ADTRP: variants seen among roughly 807,000 people sequenced by gnomAD.
ADTRP encodes the protein androgen-dependent TFPI-regulating protein.
A neutral mutation model predicts 27.0 loss-of-function variants in ADTRP; 20 were observed. That is an observed-to-expected ratio of 0.74 (90% CI 0.52 to 1.08). The LOEUF (loss-of-function observed/expected upper bound fraction) is 1.08. Among genes scored for constraint, ADTRP ranks in the 50% least tolerant of loss-of-function variants. The pLI is 0.00. For missense variants in ADTRP, 251 were observed against 275.0 expected, an observed-to-expected ratio of 0.91 and a Z score of 0.62; for synonymous variants, 101 against 105.2, an observed-to-expected ratio of 0.96 and a Z score of 0.25.
At chr6:11,752,986 G>T (rs1032704863) in intron 3 of ADTRP, among the ~76,000 whole-genome samples, 4 of 152,200 alleles carry the variant, frequency 2.6e-5, no homozygotes, top group Non-Finnish European at 5.9e-5. Flanking sequence ...ACAATGCGGA[G>T]AATTAAGGAT....
chr6:11,760,893 T>G (rs1022836017), intron 3 of ADTRP, among the ~76,000 whole-genome samples: 11 of 152,226 alleles, frequency 7.2e-5, no homozygotes, highest in Non-Finnish European at 1.3e-4. Flanking sequence ...TATACATGTA[T>G]GGTAGGGAGG....
At chr6:11,751,246 A>G (rs1763038127) in intron 3 of ADTRP, among the ~76,000 whole-genome samples, 1 of 152,230 alleles carries the variant, frequency 6.6e-6, no homozygotes, top group Non-Finnish European at 1.5e-5. Context: ...GAAGGAACAT[A>G]AGCTTGCACA....
intron 4 of ADTRP, among the ~76,000 whole-genome samples, chr6:11,729,587 A>T (rs950398876): frequency 3.3e-5 from 5 of 151,990 alleles, no homozygotes; most frequent in Non-Finnish European, 5.9e-5. Flanking sequence ...TCACTCCACG[A>T]GGGTTCAACT....
At chr6:11,765,319 G>GTTTTTTTTTTTTTTTTTTTTTTTTT (rs770169717) in intron 3 of ADTRP, among the ~76,000 whole-genome samples, 2 of 112,526 alleles carry the variant, frequency 1.8e-5, no homozygotes, top group Non-Finnish European at 1.8e-5. Flanking sequence ...CTTTCCCCTG[G>GTTTTTTTTTTTTTTTTTTTTTTTTT]TTTGTTTTTT....
At chr6:11,763,066 T>C (rs1243847364) in intron 3 of ADTRP, among the ~76,000 whole-genome samples, 3 of 152,246 alleles carry the variant, frequency 2.0e-5, no homozygotes, top group Non-Finnish European at 2.9e-5. Flanking sequence ...AACAGTCAGA[T>C]TGATCTACTT....
At chr6:11,731,611 C>A (rs1561747607) in intron 4 of ADTRP, among the ~76,000 whole-genome samples, 1 of 149,878 alleles carries the variant, frequency 6.7e-6, no homozygotes, top group African/African-American at 2.5e-5. Flanking sequence ...GGCCTTGGGA[C>A]TGTGCTCCTT....
At position 11,725,899 on chromosome 6, in the gene ADTRP, CA is replaced by C. The variant is rs59048593; in HGVS notation, c.507-2400del. 3.2e-3 allele frequency among the ~76,000 whole-genome samples: 286 copies of C among 89,912 alleles called. 1 individual carries two copies. Among genetic ancestry groups the C allele is most frequent in the African/African-American group, 9.0e-3 (212 of 23,674 alleles). 59.0% of individuals were successfully genotyped at this position (89,912 alleles called of 152,430 possible). A position where few individuals can be genotyped will look rare whatever the true frequency, so the allele number is the denominator to read the frequency against. On this transcript the variant is annotated intron_variant, in intron 4 of 5. Coordinates refer to ENST00000414691, the MANE Select transcript of ADTRP (RefSeq NM_032744.4). ...TGGGCGAGAGAATGAGACTCTATCT[CA>C]AAAAAAAAAAAAAAAGGAATTGAAA...
intron 3 of ADTRP, among the ~76,000 whole-genome samples, chr6:11,765,107 G>C (rs1763520206): frequency 6.8e-6 from 1 of 147,552 alleles, no homozygotes; most frequent in Non-Finnish European, 1.5e-5. Flanking sequence ...ATCAATAACT[G>C]ACTGAGCACA....
At position 11,714,423 on chromosome 6, in the gene ADTRP, T is replaced by C. The variant is rs1466257020; in HGVS notation, c.*55A>G. The C allele has an allele frequency of 3.9e-6, 6 of 1,529,804 alleles. No individual in the cohort carries two copies. The highest frequency in any genetic ancestry group is 2.9e-5 in the African/African-American group (2 of 69,170). 94.8% of individuals were successfully genotyped at this position (1,529,804 alleles called of 1,614,324 possible). ...CTCCACCAGAAAAAAAAAAAAAAGATGAGAAAAATCTCTTGTGTTTTCTTC... is the reference window on the plus strand; with the variant it reads ...CTCCACCAGAAAAAAAAAAAAAAGACGAGAAAAATCTCTTGTGTTTTCTTC... On this transcript the variant is annotated 3_prime_UTR_variant, in exon 6 of 6. Transcript: ENST00000414691.
Position 11,778,602 on chromosome 6 carries a change from C to A in ADTRP, c.153+5G>T. Reference sequence around the variant, plus strand: ...TCGGTTCCTGGTACGGACATATGGACTTACCAGATTAAGCAGCGTCATATA... The same window carrying A: ...TCGGTTCCTGGTACGGACATATGGAATTACCAGATTAAGCAGCGTCATATA... On this transcript the variant is annotated splice_donor_5th_base_variant and intron_variant, in intron 1 of 5. Transcript: ENST00000414691. 3 of 1,613,920 alleles carry A rather than the reference C, an allele frequency of 1.9e-6. No individual in the cohort carries two copies. Among genetic ancestry groups the A allele is most frequent in the Non-Finnish European group, 2.5e-6 (3 of 1,179,874 alleles).
At chr6:11,737,715 A>T (rs2113907869) in intron 3 of ADTRP, among the ~76,000 whole-genome samples, 1 of 152,330 alleles carries the variant, frequency 6.6e-6, no homozygotes, top group South Asian at 2.1e-4. Context: ...GCACCTGGGC[A>T]TCTCAAGGGC....
In ADTRP at chr6:11,778,610, A is replaced by G; in HGVS notation, c.150T>C (p.Asn50=). The stretch of plus-strand genomic sequence containing the variant: ...TGGTACGGACATATGGACTTACCAG[A>G]TTAAGCAGCGTCATATATTTCCACC... The part of the protein sequence containing the change: ...GARWKYMTLL[N]LLLQTIFYGV... Residue 50 remains asparagine (N), a synonymous_variant, in exon 1 of 6, where the codon AAT becomes AAC. Transcript: ENST00000414691. 1 of 1,614,184 alleles carries G rather than the reference A, an allele frequency of 6.2e-7. No individual in the cohort carries two copies. Among genetic ancestry groups the G allele is most frequent in the Non-Finnish European group, 8.5e-7 (1 of 1,180,020 alleles).
intron 5 of ADTRP, among the ~76,000 whole-genome samples, chr6:11,716,713 C>G (rs1013792561): frequency 1.4e-5 from 1 of 72,360 alleles, no homozygotes; most frequent in African/African-American, 5.0e-5. Flanking sequence ...TTTTCTTTTT[C>G]TTTTTCTTTT....
At chr6:11,760,690 G>A (rs1763366039) in intron 3 of ADTRP, among the ~76,000 whole-genome samples, 1 of 152,142 alleles carries the variant, frequency 6.6e-6, no homozygotes, top group Non-Finnish European at 1.5e-5. Context: ...ACAGCAAGCA[G>A]TATGTCCAGC....
In ADTRP at chr6:11,727,971, GAGGT is replaced by G. The variant is rs1393819476; in HGVS notation, c.507-4475_507-4472del. 5.6e-4 allele frequency among the ~76,000 whole-genome samples: 67 copies of G among 120,092 alleles called. 1 individual carries two copies. In the East Asian group the frequency reaches 5.9e-3, roughly 10 times the overall value. 78.8% of individuals were successfully genotyped at this position (120,092 alleles called of 152,430 possible). ...GAAGGAAGGGAGGCAGGGAGGGAGG[GAGGT>G]AGGTAGGGAGGGAGGGAGGGAGGGA... is the stretch of plus-strand genomic sequence containing the variant. On this transcript the variant is annotated intron_variant, in intron 4 of 5. Coordinates refer to ENST00000414691, the MANE Select transcript of ADTRP (RefSeq NM_032744.4).
At chr6:11,724,289 G>T (rs941192614) in intron 4 of ADTRP, among the ~76,000 whole-genome samples, 1 of 152,108 alleles carries the variant, frequency 6.6e-6, no homozygotes, top group Non-Finnish European at 1.5e-5. Context: ...CCAAGTCTGC[G>T]GGGATGAGGG....
chr6:11,768,466 A>G, intron 1 of ADTRP, 83 bp from the exon 2 acceptor site: 1 of 1,548,646 alleles, frequency 6.5e-7, no homozygotes, highest in African/African-American at 1.4e-5. Context: ...CATCCCTCTG[A>G]GAGTAATGTG....
chr6:11,732,637 T>C (rs151125158), intron 4 of ADTRP, among the ~76,000 whole-genome samples: 120 of 152,280 alleles, frequency 7.9e-4, no homozygotes, highest in African/African-American at 2.7e-3. Context: ...CTAGCAAAAA[T>C]GGGGCTTAGT....
chr6:11,742,166 C>T (rs1004811303), intron 3 of ADTRP, among the ~76,000 whole-genome samples: 3 of 152,108 alleles, frequency 2.0e-5, no homozygotes, highest in Non-Finnish European at 2.9e-5. Flanking sequence ...GCATAAAAAC[C>T]TTCTGTGGCT....
Sources: gnomAD v4.1 joint callset for allele counts (sites outside exome capture counted in the v4.1 genomes callset) on GRCh38, gnomAD v4.1.1 for gene constraint, MANE v1.5 for transcripts, NCBI Gene and HGNC (gene_info 2026-07-23, HGNC 2026-07-21) for gene names.